DIPK1A: variants seen among roughly 807,000 people sequenced by gnomAD.
DIPK1A encodes family with sequence similarity 69 member A.
Under a neutral mutation model 40.8 loss-of-function variants are expected in DIPK1A, and 27 were observed. That is an observed-to-expected ratio of 0.66 (90% CI 0.49 to 0.91). DIPK1A has a LOEUF of 0.91. DIPK1A is among the 40% of genes least tolerant of loss of function. The pLI is 0.00. For synonymous variants in DIPK1A, 166 were observed against 171.3 expected (o/e 0.97, Z 0.24); for missense variants, 412 against 505.7 (o/e 0.81, Z 1.78).
In DIPK1A at chr1:92,835,220, A is replaced by G. The variant is rs559428974; in HGVS notation, c.475-2186T>C. On this transcript the variant is annotated intron_variant, in intron 4 of 4. Coordinates refer to the DIPK1A transcript ENST00000615519. ...TAGCTAGTGTCTACTTAATTGGACA[A>G]TGAAGACCCTTGCTACTTAGGTATA... 4.3e-4 allele frequency: 193 copies of G among 449,436 alleles called. 1 individual carries two copies. The highest frequency in any genetic ancestry group is 2.7e-3 in the South Asian group (128 of 47,060). The allele number at this position is 449,436 out of a possible 1,614,324, so 27.8% of individuals were successfully genotyped here. A position where few individuals can be genotyped will look rare whatever the true frequency, so the allele number is the denominator to read the frequency against.
At chr1:92,922,179 A>G (rs1420448710) in intron 1 of DIPK1A, among the ~76,000 whole-genome samples, 2 of 150,302 alleles carry the variant, frequency 1.3e-5, no homozygotes, top group African/African-American at 2.5e-5. Context: ...CTTAGTTAAC[A>G]GCATTTTAAT....
At chr1:92,939,734 A>G (rs1208294501) in intron 1 of DIPK1A, among the ~76,000 whole-genome samples, 4 of 152,202 alleles carry the variant, frequency 2.6e-5, no homozygotes, top group Non-Finnish European at 4.4e-5. Context: ...CAGGAAGATC[A>G]CTTGAGGTCA....
At chr1:92,949,376 G>A (rs1288690799) in intron 1 of DIPK1A, among the ~76,000 whole-genome samples, 2 of 152,070 alleles carry the variant, frequency 1.3e-5, no homozygotes, top group African/African-American at 2.4e-5. Flanking sequence ...CCGGGTTCAA[G>A]CAATTCTCCT....
At chr1:92,872,069 C>CTTTTTTTTTTT (rs148010880) in intron 2 of DIPK1A, among the ~76,000 whole-genome samples, 2 of 67,936 alleles carry the variant, frequency 2.9e-5, no homozygotes, top group African/African-American at 5.8e-5. Flanking sequence ...TTCTTTAAAT[C>CTTTTTTTTTTT]TTTTTTTTTT....
rs138521228 is a variant in DIPK1A at position 92,842,776 on chromosome 1, A to C, written c.*607T>G. 1.1e-4 allele frequency: 113 copies of C among 985,406 alleles called. No homozygotes were observed. In the African/African-American group the frequency reaches 1.8e-3, roughly 16 times the overall value. The allele number at this position is 985,406 out of a possible 1,614,324, so 61.0% of individuals were successfully genotyped here. A position where few individuals can be genotyped will look rare whatever the true frequency, so the allele number is the denominator to read the frequency against. On this transcript the variant is annotated 3_prime_UTR_variant, in exon 5 of 5. Coordinates refer to ENST00000370310, the MANE Select transcript of DIPK1A (RefSeq NM_001006605.5). ...AGTCAATAAAATTGGTGTACTGTCA[A>C]GTATAAGATTTCTTGAAGTAAGCCA... is the stretch of plus-strand genomic sequence containing the variant.
At chr1:92,833,840 C>A (rs190725000) in intron 4 of DIPK1A, 2 of 608,298 alleles carry the variant, frequency 3.3e-6, no homozygotes, top group Admixed American at 2.9e-5. Context: ...TTAAAAAATG[C>A]TCTTGGTTGC....
chr1:92,837,512 A>G (rs1687175998), downstream of DIPK1A: 12 of 1,612,532 alleles, frequency 7.4e-6, no homozygotes, highest in Non-Finnish European at 1.0e-5. Context: ...GCAGAAGTAC[A>G]TCGGAAGCAC....
rs75807449 is a variant in DIPK1A at position 92,858,443 on chromosome 1, C to T, written c.190-7488G>A. 1.0e-2 allele frequency among the ~76,000 whole-genome samples: 1,522 copies of T among 152,298 alleles called. 22 individuals carry two copies. Among genetic ancestry groups the T allele is most frequent in the African/African-American group, 0.035 (1,437 of 41,552 alleles). On this transcript the variant is annotated intron_variant, in intron 2 of 4. Coordinates refer to ENST00000370310, the MANE Select transcript of DIPK1A (RefSeq NM_001006605.5). ...TACATTCATCTTCAAACCTCCCCTC[C>T]TCTCTAGCACACAGCACAGTTTGGT...
chr1:92,913,664 G>A (rs1031537417), intron 1 of DIPK1A, among the ~76,000 whole-genome samples: 9 of 152,204 alleles, frequency 5.9e-5, no homozygotes, highest in Admixed American at 5.9e-4. Flanking sequence ...GCAGCAGTAA[G>A]TAATATACTG....
intron 1 of DIPK1A, among the ~76,000 whole-genome samples, chr1:92,880,824 C>G (rs553570427): frequency 1.3e-5 from 2 of 151,294 alleles, no homozygotes; most frequent in South Asian, 2.1e-4. Flanking sequence ...GAGCTGAGAT[C>G]GCATCACTGC....
At chr1:92,846,423 T>C (rs1383346237) in intron 4 of DIPK1A, among the ~76,000 whole-genome samples, 1 of 152,048 alleles carries the variant, frequency 6.6e-6, no homozygotes, top group East Asian at 1.9e-4. Context: ...CAACCTCTCC[T>C]TATTCTCCTC....
At chr1:92,854,083 C>T (rs887599093) in intron 2 of DIPK1A, among the ~76,000 whole-genome samples, 6 of 152,114 alleles carry the variant, frequency 3.9e-5, no homozygotes, top group African/African-American at 1.4e-4. Context: ...GATGGGGTTT[C>T]ACTTTGTTGC....
chr1:92,893,986 C>A (rs1422108477), intron 1 of DIPK1A, among the ~76,000 whole-genome samples: 1 of 152,060 alleles, frequency 6.6e-6, no homozygotes, highest in African/African-American at 2.4e-5. Flanking sequence ...AATACAGGAG[C>A]ACCCAGATTC....
chr1:92,880,167 A>T (rs1283450442), intron 1 of DIPK1A, among the ~76,000 whole-genome samples: 1 of 152,220 alleles, frequency 6.6e-6, no homozygotes, highest in Admixed American at 6.5e-5. Flanking sequence ...GCAAAGCATT[A>T]TCAGGCCCAA....
intron 1 of DIPK1A, among the ~76,000 whole-genome samples, chr1:92,912,942 T>TTA (rs1649891703): frequency 1.5e-5 from 2 of 129,400 alleles, no homozygotes; most frequent in South Asian, 4.6e-4. Flanking sequence ...CTCTATGAAA[T>TTA]AAAAAAAAAA....
chr1:92,959,903 C>CTTTTTTT (rs1157142089), intron 1 of DIPK1A, among the ~76,000 whole-genome samples: 9,188 of 47,036 alleles, frequency 0.2, 1,602 homozygotes, highest in East Asian at 0.46. Context: ...ACCCAACCAA[C>CTTTTTTT]TTTTTTTTTT....
intron 1 of DIPK1A, among the ~76,000 whole-genome samples, chr1:92,956,035 CAAG>C (rs1004730331): frequency 6.7e-6 from 1 of 149,464 alleles, no homozygotes; most frequent in African/African-American, 2.5e-5. Context: ...GATCCTGTAT[CAAG>C]AAGAGAAAAG....
At chr1:92,838,223 A>G (rs1687201084), downstream of DIPK1A, among the ~76,000 whole-genome samples, 1 of 152,178 alleles carries the variant, frequency 6.6e-6, no homozygotes, top group Non-Finnish European at 1.5e-5. Context: ...ACTTTCTGTT[A>G]TTTCTATGCT....
intron 4 of DIPK1A, among the ~76,000 whole-genome samples, chr1:92,845,199 G>A (rs1325252878): frequency 5.3e-5 from 8 of 150,230 alleles, no homozygotes; most frequent in Non-Finnish European, 3.0e-5. Flanking sequence ...CATCCGTCTC[G>A]GCTTCCCAAA....
Sources: gnomAD v4.1 joint callset for allele counts (sites outside exome capture counted in the v4.1 genomes callset) on GRCh38, gnomAD v4.1.1 for gene constraint, MANE v1.5 for transcripts, NCBI Gene and HGNC (gene_info 2026-07-23, HGNC 2026-07-21) for gene names.